The following PLCL1 variants were observed in gnomAD, a reference collection of about 807,000 sequenced individuals.
PLCL1 encodes the protein phospholipase C like 1 (inactive).
Under a neutral mutation model 84.4 loss-of-function variants are expected in PLCL1, and 41 were observed. The ratio of observed to expected loss-of-function variants is 0.49; its 90% CI spans 0.38 to 0.63. PLCL1 has a LOEUF of 0.63. Among genes scored for constraint, PLCL1 ranks in the 30% least tolerant of loss-of-function variants. The pLI is 0.00. For synonymous variants in PLCL1, 490 were observed against 488.3 expected (o/e 1.00, Z -0.05); for missense variants, 1,206 against 1,367.8 (o/e 0.88, Z 1.87).
intron 1 of PLCL1, among the ~76,000 whole-genome samples, chr2:197,863,003 T>C (rs891158300): frequency 6.6e-6 from 1 of 152,156 alleles, no homozygotes; most frequent in Non-Finnish European, 1.5e-5. Context: ...GTAACGTACA[T>C]GTTCCTGGAA....
In PLCL1 at chr2:197,884,173, G is replaced by A. The variant is rs936061400; in HGVS notation, c.240+78834G>A. On this transcript the variant is annotated intron_variant, in intron 1 of 5. Transcript: ENST00000428675. ...ACTTAAAAGAAGTCCAGAGATAGACGGTCTAGCACCGGTACATCTGCTTCC... is the reference window on the plus strand; with the variant it reads ...ACTTAAAAGAAGTCCAGAGATAGACAGTCTAGCACCGGTACATCTGCTTCC... 7.5e-4 allele frequency among the ~76,000 whole-genome samples: 114 copies of A among 152,260 alleles called. 1 individual carries two copies. Among genetic ancestry groups the A allele is most frequent in the African/African-American group, 2.7e-3 (111 of 41,550 alleles).
chr2:197,873,219 T>C (rs1687678700), intron 1 of PLCL1, among the ~76,000 whole-genome samples: 1 of 152,068 alleles, frequency 6.6e-6, no homozygotes, highest in Non-Finnish European at 1.5e-5. Context: ...AATACACATA[T>C]CACAAACACA....
In PLCL1 at chr2:198,146,762, G is replaced by GC; in HGVS notation, c.3106-18_3106-17insC. On this transcript the variant is annotated splice_polypyrimidine_tract_variant and intron_variant, in intron 5 of 5. Coordinates refer to ENST00000428675, the MANE Select transcript of PLCL1 (RefSeq NM_006226.4). The stretch of plus-strand genomic sequence containing the variant: ...CCCATAACTGTCTTCTTTGATGCCT[G>GC]TTTTTTTCTGTTTGTAGGGCCAAGG... 6.2e-7 allele frequency: 1 copy of GC among 1,602,394 alleles called. No homozygotes were observed. The highest frequency in any genetic ancestry group is 8.5e-7 in the Non-Finnish European group (1 of 1,172,832).
At chr2:197,939,193 C>T (rs547709080) in intron 1 of PLCL1, among the ~76,000 whole-genome samples, 42 of 152,090 alleles carry the variant, frequency 2.8e-4, no homozygotes, top group African/African-American at 7.7e-4. Flanking sequence ...AGAGAGATGT[C>T]GGTAAGTATA....
intron 1 of PLCL1, among the ~76,000 whole-genome samples, chr2:197,931,269 C>A (rs576175526): frequency 6.6e-6 from 1 of 152,248 alleles, no homozygotes; most frequent in Admixed American, 6.5e-5. Flanking sequence ...GAAAGTCAGA[C>A]TTAAACTTTC....
intron 1 of PLCL1, among the ~76,000 whole-genome samples, chr2:198,007,678 C>T (rs1690761492): frequency 6.6e-6 from 1 of 152,096 alleles, no homozygotes. Flanking sequence ...ATCATAAACC[C>T]TCTTCAAAAA....
At chr2:197,999,734 A>G (rs1690555437) in intron 1 of PLCL1, among the ~76,000 whole-genome samples, 1 of 152,298 alleles carries the variant, frequency 6.6e-6, no homozygotes. Flanking sequence ...TCTGGAAAGG[A>G]GGGGATGGAC....
intron 5 of PLCL1, among the ~76,000 whole-genome samples, chr2:198,119,736 T>C (rs1693826601): frequency 6.6e-6 from 1 of 152,006 alleles, no homozygotes; most frequent in African/African-American, 2.4e-5. Context: ...CTCACCACCC[T>C]GACTCACTAA....
At chr2:198,073,680 A>C (rs969866164) in intron 1 of PLCL1, among the ~76,000 whole-genome samples, 1 of 152,138 alleles carries the variant, frequency 6.6e-6, no homozygotes, top group African/African-American at 2.4e-5. Flanking sequence ...CTTATGGAAA[A>C]CTCAGAGATT....
rs570497997 is a variant in PLCL1, at chr2:197,926,652, G to A, written c.240+121313G>A. ...ATCAAAAGTAGTATTTTTATCATTT[G>A]TCTACTATTGGCCTGCGCATTTGCT... On this transcript the variant is annotated intron_variant, in intron 1 of 5. Coordinates refer to ENST00000428675, the MANE Select transcript of PLCL1 (RefSeq NM_006226.4). Among the ~76,000 whole-genome samples, 13 of 152,240 alleles carry A rather than the reference G, an allele frequency of 8.5e-5. No homozygotes were observed. In the East Asian group the frequency reaches 1.9e-3, roughly 23 times the overall value.
intron 1 of PLCL1, among the ~76,000 whole-genome samples, chr2:198,001,771 G>A (rs945389783): frequency 6.6e-5 from 10 of 152,086 alleles, no homozygotes; most frequent in Non-Finnish European, 1.2e-4. Context: ...TGTATTTACA[G>A]TCACTCCCCA....
intron 1 of PLCL1, among the ~76,000 whole-genome samples, chr2:197,843,140 T>C (rs1278843227): frequency 1.3e-5 from 2 of 152,228 alleles, no homozygotes; most frequent in Non-Finnish European, 2.9e-5. Context: ...GTTCTGCTCA[T>C]TGTGGCAATG....
At chr2:198,047,001 G>T (rs373745369) in intron 1 of PLCL1, among the ~76,000 whole-genome samples, 1 of 152,038 alleles carries the variant, frequency 6.6e-6, no homozygotes, top group Non-Finnish European at 1.5e-5. Context: ...TGATGTTTTC[G>T]TCTAGAAATG....
At chr2:198,003,695 G>A (rs547755899) in intron 1 of PLCL1, among the ~76,000 whole-genome samples, 38 of 152,268 alleles carry the variant, frequency 2.5e-4, no homozygotes, top group Admixed American at 5.9e-4. Flanking sequence ...CATTAAAGTG[G>A]TTTGCAGAAG....
At chr2:198,045,666 G>C (rs1422312991) in intron 1 of PLCL1, among the ~76,000 whole-genome samples, 1 of 152,158 alleles carries the variant, frequency 6.6e-6, no homozygotes, top group Non-Finnish European at 1.5e-5. Flanking sequence ...ATGCATTCTA[G>C]AGTAATGAAT....
At chr2:198,015,302 A>G (rs1690971273) in intron 1 of PLCL1, among the ~76,000 whole-genome samples, 1 of 152,194 alleles carries the variant, frequency 6.6e-6, no homozygotes. Context: ...GTGTCACTGT[A>G]AGATATATTT....
intron 1 of PLCL1, among the ~76,000 whole-genome samples, chr2:197,881,855 A>G (rs1022607190): frequency 1.3e-5 from 2 of 152,118 alleles, no homozygotes; most frequent in African/African-American, 4.8e-5. Flanking sequence ...CTCATGGCCA[A>G]TTCTGCCCCA....
Position 198,061,001 on chromosome 2 carries a change from T to C in PLCL1, c.241-22757T>C, listed in dbSNP as rs77153538. On this transcript the variant is annotated intron_variant, in intron 1 of 5. Coordinates refer to ENST00000428675, the MANE Select transcript of PLCL1 (RefSeq NM_006226.4). ...AACTCTATGGAACTTTCTATTTAAC[T>C]TTTCTCATAAGCTACTTTGGGGGTA... 9.1e-3 allele frequency among the ~76,000 whole-genome samples: 1,389 copies of C among 152,340 alleles called. 24 individuals carry two copies. Among genetic ancestry groups the C allele is most frequent in the African/African-American group, 0.032 (1,327 of 41,578 alleles).
intron 1 of PLCL1, among the ~76,000 whole-genome samples, chr2:197,865,944 A>C (rs555923835): frequency 6.9e-6 from 1 of 144,766 alleles, no homozygotes; most frequent in Admixed American, 7.1e-5. Context: ...GAGAAGGTTA[A>C]AGGCTGCATA....
Sources: gnomAD v4.1 joint callset for allele counts (sites outside exome capture counted in the v4.1 genomes callset) on GRCh38, gnomAD v4.1.1 for gene constraint, MANE v1.5 for transcripts, NCBI Gene and HGNC (gene_info 2026-07-23, HGNC 2026-07-21) for gene names.